STK33: variants seen among roughly 807,000 people sequenced by gnomAD.
STK33 encodes the protein serine/threonine-protein kinase 33.
In STK33, 52 loss-of-function variants were observed where a neutral mutation model predicts 58.0. The ratio of observed to expected loss-of-function variants is 0.90; its 90% CI spans 0.72 to 1.13. The LOEUF (loss-of-function observed/expected upper bound fraction) is 1.13. STK33 is among the 50% of genes most tolerant of loss of function. The pLI, the probability that STK33 is intolerant of heterozygous loss-of-function variation, is 0.00. For missense variants in STK33, 630 were observed against 604.2 expected (o/e 1.04, Z -0.45); for synonymous variants, 215 against 200.1 (o/e 1.07, Z -0.63).
At chr11:8,558,626 G>A (rs1448620041) in intron 1 of STK33, among the ~76,000 whole-genome samples, 2 of 152,178 alleles carry the variant, frequency 1.3e-5, no homozygotes, top group Non-Finnish European at 2.9e-5. Flanking sequence ...CCAGATGCGG[G>A]TGGGTGTGGC....
the STK33 span, among the ~76,000 whole-genome samples, chr11:8,369,536 C>CAGTGGGGCCTGGGGAGGGAG: frequency 1.3e-5 from 1 of 74,860 alleles, no homozygotes; most frequent in East Asian, 3.8e-4. Flanking sequence ...CAGGTGGGGG[C>CAGTGGGGCCTGGGGAGGGAG]AGTGGGGCCT....
chr11:8,576,439 T>C (rs1317479456), intron 1 of STK33, among the ~76,000 whole-genome samples: 1 of 152,192 alleles, frequency 6.6e-6, no homozygotes, highest in Non-Finnish European at 1.5e-5. Context: ...AAGAAATAAA[T>C]AAACCTGAAA....
At chr11:8,591,573 G>A (rs1439919812) in intron 1 of STK33, among the ~76,000 whole-genome samples, 1 of 152,124 alleles carries the variant, frequency 6.6e-6, no homozygotes, top group East Asian at 1.9e-4. Flanking sequence ...TTCACTGTAT[G>A]GCCAAGACAG....
the STK33 span, among the ~76,000 whole-genome samples, chr11:8,345,499 G>A: frequency 3.0e-4 from 46 of 152,368 alleles, no homozygotes; most frequent in African/African-American, 9.6e-4. Context: ...GGATCTTCAC[G>A]GAGCTAACGG....
chr11:8,392,769 G>T (rs1848752642), intron 15 of STK33, 59 bp from the exon 16 acceptor site: 1 of 1,567,670 alleles, frequency 6.4e-7, no homozygotes, highest in Non-Finnish European at 8.7e-7. Flanking sequence ...TCAATTCAAA[G>T]ATGCAAGGAA....
chr11:8,419,545 G>A (rs1042814047), intron 14 of STK33, among the ~76,000 whole-genome samples: 5 of 152,002 alleles, frequency 3.3e-5, no homozygotes, highest in South Asian at 2.1e-4. Flanking sequence ...TTTTTGCTTC[G>A]GATTGCTTTG....
chr11:8,466,069 C>T (rs1053115975), intron 6 of STK33: 3 of 152,178 alleles, frequency 2.0e-5, no homozygotes, highest in African/African-American at 4.8e-5. Flanking sequence ...TCAATCATCT[C>T]CCAGTGGTTC....
chr11:8,503,136 A>C (rs1951634503), intron 1 of STK33, among the ~76,000 whole-genome samples: 1 of 152,222 alleles, frequency 6.6e-6, no homozygotes, highest in Non-Finnish European at 1.5e-5. Context: ...AGGAATATAA[A>C]TCATTCTACT....
chr11:8,381,771 T>C, the STK33 span, among the ~76,000 whole-genome samples: 1 of 152,220 alleles, frequency 6.6e-6, no homozygotes. Context: ...AAATATTTTA[T>C]TACCCAAAAA....
chr11:8,563,305 A>G (rs1334760723), intron 1 of STK33, among the ~76,000 whole-genome samples: 1 of 152,144 alleles, frequency 6.6e-6, no homozygotes, highest in Admixed American at 6.6e-5. Flanking sequence ...AAGGGATACA[A>G]ATGGCACCAA....
At chr11:8,521,434 T>C (rs1953424620) in intron 1 of STK33, among the ~76,000 whole-genome samples, 1 of 152,242 alleles carries the variant, frequency 6.6e-6, no homozygotes, top group South Asian at 2.1e-4. Flanking sequence ...TGTAGAAAGC[T>C]GAAACTGGAT....
intron 1 of STK33, among the ~76,000 whole-genome samples, chr11:8,588,663 T>C (rs2032106112): frequency 1.3e-5 from 2 of 152,154 alleles, no homozygotes; most frequent in Admixed American, 1.3e-4. Flanking sequence ...ATAAAAAATA[T>C]ATTGAACTTC....
chr11:8,469,682 C>A (rs1345612415), intron 6 of STK33, among the ~76,000 whole-genome samples: 2 of 152,220 alleles, frequency 1.3e-5, no homozygotes, highest in African/African-American at 4.8e-5. Flanking sequence ...CAGATATAAC[C>A]TTATGAAATT....
At chr11:8,575,800 T>C (rs190726714) in intron 1 of STK33, among the ~76,000 whole-genome samples, 3 of 152,268 alleles carry the variant, frequency 2.0e-5, no homozygotes, top group Non-Finnish European at 4.4e-5. Flanking sequence ...ATCCTAAAAA[T>C]GTATGGTTGG....
intron 6 of STK33, among the ~76,000 whole-genome samples, chr11:8,471,060 G>A (rs946997179): frequency 4.7e-4 from 71 of 152,118 alleles, no homozygotes; most frequent in African/African-American, 1.5e-3. Flanking sequence ...ATAAATCAAA[G>A]CATGATATGA....
intron 14 of STK33, chr11:8,434,154 T>C (rs1288598336): frequency 1.8e-5 from 3 of 167,406 alleles, no homozygotes; most frequent in East Asian, 1.8e-4. Context: ...GAGGCAGAGG[T>C]TGCAGTTGAC....
At chr11:8,551,463 T>C (rs1160499009) in intron 1 of STK33, among the ~76,000 whole-genome samples, 1 of 152,162 alleles carries the variant, frequency 6.6e-6, no homozygotes, top group Admixed American at 6.5e-5. Flanking sequence ...ATTTCATAGA[T>C]CTTCAATGCT....
chr11:8,442,102 TTCC>T (rs1460832436), intron 11 of STK33, among the ~76,000 whole-genome samples: 1 of 151,788 alleles, frequency 6.6e-6, no homozygotes, highest in Non-Finnish European at 1.5e-5. Flanking sequence ...GGAATTTCAT[TTCC>T]TCCTTTTTCC....
chr11:8,529,637 GA>G (rs1398989140), intron 1 of STK33, among the ~76,000 whole-genome samples: 1 of 151,632 alleles, frequency 6.6e-6, no homozygotes, highest in Non-Finnish European at 1.5e-5. Flanking sequence ...TATAAGGAGG[GA>G]AAAAAAGGGC....
Sources: gnomAD v4.1 joint callset for allele counts (sites outside exome capture counted in the v4.1 genomes callset) on GRCh38, gnomAD v4.1.1 for gene constraint, MANE v1.5 for transcripts, NCBI Gene and HGNC (gene_info 2026-07-23, HGNC 2026-07-21) for gene names.